Variants in ROBO2 observed in about 807,000 individuals in gnomAD.
The protein encoded by ROBO2 is roundabout homolog 2.
In ROBO2, 53 loss-of-function variants were observed where a neutral mutation model predicts 160.8. The ratio of observed to expected loss-of-function variants is 0.33; its 90% CI spans 0.26 to 0.41. The LOEUF (loss-of-function observed/expected upper bound fraction) is 0.41, where lower values mean the gene tolerates loss of function less well. Ranked by LOEUF, ROBO2 falls within the 10% of genes least tolerant of loss-of-function variation. The probability of loss-of-function intolerance (pLI) is 1.00; values close to 1 mark genes in which losing one functional copy is unlikely to be tolerated. For missense variants in ROBO2, 1,577 were observed against 1,722.4 expected, an observed-to-expected ratio of 0.92 and a Z score of 1.49; for synonymous variants, 664 against 611.7, an observed-to-expected ratio of 1.09 and a Z score of -1.26.
chr3:76,519,728 TAGAG>T (rs1328430149), intron 2 of ROBO2, among the ~76,000 whole-genome samples: 1 of 150,616 alleles, frequency 6.6e-6, no homozygotes, highest in Non-Finnish European at 1.5e-5. Context: ...AAAATAGAAA[TAGAG>T]AGGGGAAAGG....
chr3:76,802,723 G>A (rs1192856279), intron 2 of ROBO2, among the ~76,000 whole-genome samples: 3 of 121,668 alleles, frequency 2.5e-5, no homozygotes, highest in Middle Eastern at 5.5e-3. Context: ...GCGAGACTCC[G>A]TCTCAAAAAA....
intron 2 of ROBO2, among the ~76,000 whole-genome samples, chr3:76,628,846 C>G (rs969959990): frequency 4.6e-5 from 7 of 152,126 alleles, no homozygotes; most frequent in Non-Finnish European, 8.8e-5. Context: ...AAAGACAGGG[C>G]AATGTATAGT....
At position 76,214,681 on chromosome 3, in the gene ROBO2, G is replaced by A. The variant is rs970195917; in HGVS notation, c.109+277079G>A. The stretch of plus-strand genomic sequence containing the variant: ...GCAGCCAGGAAGCTTGAACTGGGTC[G>A]AGCCCACCACAGCTCAAGGAGGCCT... On this transcript the variant is annotated intron_variant, in intron 2 of 26. Transcript: ENST00000487694. 4.6e-5 allele frequency among the ~76,000 whole-genome samples: 7 copies of A among 152,168 alleles called. No individual in the cohort carries two copies. In the South Asian group the frequency reaches 6.2e-4, roughly 14 times the overall value.
chr3:76,013,978 A>AAAGGCAATTGGCGGCTGGGT (rs2066302761), intron 2 of ROBO2, among the ~76,000 whole-genome samples: 1 of 151,824 alleles, frequency 6.6e-6, no homozygotes, highest in Non-Finnish European at 1.5e-5. Flanking sequence ...TAATATGTAT[A>AAAGGCAATTGGCGGCTGGGT]AAGGCATTTG....
intron 2 of ROBO2, among the ~76,000 whole-genome samples, chr3:76,722,437 A>G (rs2107732587): frequency 6.6e-6 from 1 of 152,232 alleles, no homozygotes; most frequent in Non-Finnish European, 1.5e-5. Flanking sequence ...TGTATTTTTT[A>G]AACAGCTTGA....
At chr3:76,664,970 T>A (rs1456954468) in intron 2 of ROBO2, among the ~76,000 whole-genome samples, 1 of 152,088 alleles carries the variant, frequency 6.6e-6, no homozygotes, top group African/African-American at 2.4e-5. Context: ...GCTACAGAGA[T>A]GAATTGCGTG....
chr3:76,112,602 G>A (rs190563975), intron 2 of ROBO2, among the ~76,000 whole-genome samples: 54 of 152,120 alleles, frequency 3.5e-4, no homozygotes, highest in African/African-American at 1.3e-3. Context: ...GTTTAAGAGT[G>A]TAATTTGTCT....
chr3:77,208,115 A>G (rs1352746076), intron 2 of ROBO2, among the ~76,000 whole-genome samples: 1 of 152,122 alleles, frequency 6.6e-6, no homozygotes, highest in Non-Finnish European at 1.5e-5. Flanking sequence ...GTGATTCTAA[A>G]CCATTTGACA....
chr3:77,121,961 T>C (rs1206896330), intron 2 of ROBO2, among the ~76,000 whole-genome samples: 4 of 152,170 alleles, frequency 2.6e-5, no homozygotes. Context: ...GGGTAGATTT[T>C]TTTAAAAAAA....
At chr3:76,987,370 C>T (rs931734938) in intron 2 of ROBO2, among the ~76,000 whole-genome samples, 2 of 152,222 alleles carry the variant, frequency 1.3e-5, no homozygotes, top group African/African-American at 2.4e-5. Flanking sequence ...GGGAATCATG[C>T]GTCACAGTGT....
intron 5 of ROBO2, among the ~76,000 whole-genome samples, chr3:77,499,572 T>G (rs1011728928): frequency 6.6e-6 from 1 of 151,648 alleles, no homozygotes; most frequent in African/African-American, 2.4e-5. Flanking sequence ...TTGTATATAA[T>G]GACACATTTT....
intron 2 of ROBO2, among the ~76,000 whole-genome samples, chr3:75,985,309 A>G (rs577155599): frequency 2.0e-5 from 3 of 151,632 alleles, no homozygotes; most frequent in East Asian, 1.9e-4. Context: ...TGTGAAATTT[A>G]TTATCTTAAT....
chr3:75,959,080 A>G (rs1392740777), intron 2 of ROBO2, among the ~76,000 whole-genome samples: 1 of 151,822 alleles, frequency 6.6e-6, no homozygotes, highest in South Asian at 2.1e-4. Flanking sequence ...TTATGATGAC[A>G]TAAGTATTTT....
intron 2 of ROBO2, among the ~76,000 whole-genome samples, chr3:76,310,061 A>G (rs2071505740): frequency 6.6e-6 from 1 of 151,540 alleles, no homozygotes; most frequent in Non-Finnish European, 1.5e-5. Flanking sequence ...GGTTCAAGTT[A>G]TACTCCTGCC....
At chr3:77,382,414 T>G (rs2073619564) in intron 2 of ROBO2, among the ~76,000 whole-genome samples, 1 of 152,042 alleles carries the variant, frequency 6.6e-6, no homozygotes, top group East Asian at 1.9e-4. Flanking sequence ...TTTTTCTTCT[T>G]CTTTTTTGTA....
chr3:76,296,910 A>G (rs1709103944), intron 2 of ROBO2, among the ~76,000 whole-genome samples: 1 of 152,244 alleles, frequency 6.6e-6, no homozygotes, highest in Non-Finnish European at 1.5e-5. Flanking sequence ...AGTTACATTA[A>G]TAGCTCATTA....
chr3:76,889,753 T>G (rs1177374025), intron 2 of ROBO2, among the ~76,000 whole-genome samples: 1 of 152,200 alleles, frequency 6.6e-6, no homozygotes, highest in African/African-American at 2.4e-5. Context: ...AGTGATAATT[T>G]TATAAGAAAA....
In ROBO2 at chr3:76,329,081, G is replaced by C. The variant is rs538733152; in HGVS notation, c.109+391479G>C. On this transcript the variant is annotated intron_variant, in intron 2 of 26. Transcript: ENST00000487694. ...GCTCAACGGATCAGAGGGAGTCGGT[G>C]GACAAGCTGCACACTCAGCGCAGGA... Among the ~76,000 whole-genome samples, 522 of 152,032 alleles carry C rather than the reference G, an allele frequency of 3.4e-3. 3 individuals are homozygous for C. Among genetic ancestry groups the C allele is most frequent in the Non-Finnish European group, 5.6e-3 (384 of 67,986 alleles).
At chr3:75,973,714 C>T (rs1206556541) in intron 2 of ROBO2, among the ~76,000 whole-genome samples, 1 of 151,486 alleles carries the variant, frequency 6.6e-6, no homozygotes, top group Non-Finnish European at 1.5e-5. Context: ...TTTTGGGTTA[C>T]TGAAATGACA....
Sources: gnomAD v4.1 joint callset for allele counts (sites outside exome capture counted in the v4.1 genomes callset) on GRCh38, gnomAD v4.1.1 for gene constraint, MANE v1.5 for transcripts, NCBI Gene and HGNC (gene_info 2026-07-23, HGNC 2026-07-21) for gene names.